The following D2HGDH variants were observed in gnomAD, a reference collection of about 807,000 sequenced individuals.
The protein encoded by D2HGDH is D-2-hydroxyglutarate dehydrogenase, mitochondrial.
D2HGDH carries 31 observed loss-of-function variants against 46.9 expected under a neutral mutation model. The observed-to-expected ratio is 0.66, with a 90% confidence interval of 0.50 to 0.89. The LOEUF is 0.89. D2HGDH is among the 40% of genes least tolerant of loss of function. D2HGDH has a pLI of 0.00. For synonymous variants in D2HGDH, 364 were observed against 332.6 expected (o/e 1.09, Z -1.03); for missense variants, 698 against 720.8 (o/e 0.97, Z 0.36).
chr2:241,738,703 C>A (rs1375590775), intron 2 of D2HGDH, among the ~76,000 whole-genome samples: 1 of 152,194 alleles, frequency 6.6e-6, no homozygotes, highest in Non-Finnish European at 1.5e-5. Context: ...CCATGGACAC[C>A]CTGTCCTGCT....
At chr2:241,740,999 C>T (rs778721523) in intron 2 of D2HGDH, 34 bp from the exon 3 acceptor site, 5 of 1,596,126 alleles carry the variant, frequency 3.1e-6, no homozygotes, top group African/African-American at 2.7e-5. Flanking sequence ...CAGCTCCCCC[C>T]ACGCTGTCTC....
chr2:241,742,636 T>G lies in D2HGDH; in HGVS notation c.490+62T>G. 4 of 1,597,108 alleles carry G rather than the reference T, an allele frequency of 2.5e-6. No individual in the cohort carries two copies. The highest frequency in any genetic ancestry group is 3.4e-6 in the Non-Finnish European group (4 of 1,165,246). On this transcript the variant is annotated intron_variant, in intron 4 of 9. Coordinates refer to ENST00000321264, the MANE Select transcript of D2HGDH (RefSeq NM_152783.5). The surrounding 1 kb of genome is among the most constrained non-coding windows in gnomAD (Gnocchi z 4.8). ...TCCTGGTGCTGGTGGAGTTCTTCCT[T>G]GCCAGCGTCTGCAACTGTGGGGTGC...
chr2:241,758,341 C>G (rs1314936313), intron 9 of D2HGDH, among the ~76,000 whole-genome samples: 2 of 152,176 alleles, frequency 1.3e-5, no homozygotes, highest in Non-Finnish European at 2.9e-5. Context: ...AAAATTATAG[C>G]TCAGCTTCTT....
Position 241,761,657 on chromosome 2 carries a change from C to T in D2HGDH, c.1306+5643C>T, listed in dbSNP as rs148664565. Among the ~76,000 whole-genome samples, 162 of 152,274 alleles carry T rather than the reference C, an allele frequency of 1.1e-3. 2 individuals are homozygous for T. The East Asian group carries it at 0.029, about 28-fold the overall frequency. ...TCCGAGGGGTCCTGTATCCAGTCCCCCAGGGACACTGAGGGGCACCTGCAT... is the reference window on the plus strand; with the variant it reads ...TCCGAGGGGTCCTGTATCCAGTCCCTCAGGGACACTGAGGGGCACCTGCAT... On this transcript the variant is annotated intron_variant, in intron 9 of 9. Transcript: ENST00000321264.
intron 6 of D2HGDH, among the ~76,000 whole-genome samples, chr2:241,747,727 C>A (rs1434059484): frequency 2.0e-5 from 3 of 152,010 alleles, no homozygotes; most frequent in Non-Finnish European, 4.4e-5. Context: ...TACCTGGCTA[C>A]ATTTTTAAAA....
At position 241,755,967 on chromosome 2, in the gene D2HGDH, C is replaced by T; in HGVS notation, c.1259C>T (p.Ala420Val). Residue 420 changes from alanine to valine, a missense_variant, in exon 9 of 10, where the codon GCC (alanine) becomes GTC (valine). By Grantham distance (64) the Ala-to-Val change is moderately conservative. Coordinates refer to ENST00000321264, the MANE Select transcript of D2HGDH (RefSeq NM_152783.5). ...RLYDIVTDLR[A>V]RLGPHAKHVV... ...TACGACATCGTGACTGACCTGCGCG[C>T]CCGCCTCGGCCCGCACGCCAAGCAC... The T allele has an allele frequency of 6.2e-7, 1 of 1,605,116 alleles. No homozygotes were observed. Among genetic ancestry groups the T allele is most frequent in the Non-Finnish European group, 8.5e-7 (1 of 1,173,628 alleles).
chr2:241,762,069 CTTT>C (rs564362722), intron 9 of D2HGDH, among the ~76,000 whole-genome samples: 50 of 108,130 alleles, frequency 4.6e-4, no homozygotes, highest in Non-Finnish European at 6.5e-4. Context: ...TTTTCTTTTC[CTTT>C]TTTTTTTTTT....
chr2:241,767,907 AAG>A lies in D2HGDH; in HGVS notation c.1505_1506del (p.Lys502SerfsTer46). On this transcript the variant is annotated frameshift_variant, in exon 10 of 10. Transcript: ENST00000321264. LOFTEE classifies it high-confidence loss of function. ...GGCCCTGCAGCTCATGCAGCAGCTC[AAG>A]GCCCTGCTGGACCCCAAGGGCATCC... is the stretch of plus-strand genomic sequence containing the variant. ...PGALQLMQQL[K>X]ALLDPKGILN... 6.2e-7 allele frequency: 1 copy of A among 1,603,942 alleles called. No homozygotes were observed. The highest frequency in any genetic ancestry group is 1.1e-5 in the South Asian group (1 of 89,972).
At chr2:241,758,073 T>TTC (rs1416738492) in intron 9 of D2HGDH, among the ~76,000 whole-genome samples, 1 of 152,226 alleles carries the variant, frequency 6.6e-6, no homozygotes, top group East Asian at 1.9e-4. Context: ...GTTACACTGA[T>TTC]TGATCCCTCT....
intron 6 of D2HGDH, among the ~76,000 whole-genome samples, chr2:241,745,887 G>A (rs1695733574): frequency 6.6e-6 from 1 of 152,154 alleles, no homozygotes. Flanking sequence ...CTGACCCGCT[G>A]TCCTCTGGCC....
At position 241,743,636 on chromosome 2, in the gene D2HGDH, C is replaced by T. The variant is rs774791291; in HGVS notation, c.505C>T (p.Gln169Ter). ...FHSVSGILVC[Q>*]AGCVLEELSR... ...ACTCTCTGCAGGAATTCTGGTTTGC[C>T]AGGCGGGCTGCGTCCTGGAGGAGCT... is the stretch of plus-strand genomic sequence containing the variant. Residue 169 changes from glutamine to a stop codon, truncating the protein, a stop_gained, in exon 5 of 10, where the codon CAG becomes TAG. Coordinates refer to ENST00000321264, the MANE Select transcript of D2HGDH (RefSeq NM_152783.5). LOFTEE classifies it high-confidence loss of function. The surrounding 1 kb of genome is among the most constrained non-coding windows in gnomAD (Gnocchi z 4.8). 5.6e-6 allele frequency: 9 copies of T among 1,613,482 alleles called. No homozygotes were observed. The South Asian group carries it at 9.9e-5, about 18-fold the overall frequency.
intron 8 of D2HGDH, among the ~76,000 whole-genome samples, chr2:241,751,628 A>G (rs1180258111): frequency 1.3e-5 from 2 of 152,180 alleles, no homozygotes; most frequent in African/African-American, 4.8e-5. Context: ...CCCCAACCCC[A>G]TGCTGTGGGA....
chr2:241,756,011 C>T lies in D2HGDH; in HGVS notation c.1303C>T (p.Leu435Phe), dbSNP rs768499976. The T allele has an allele frequency of 1.3e-6, 2 of 1,596,270 alleles. No homozygotes were observed. Among genetic ancestry groups the T allele is most frequent in the Non-Finnish European group, 1.7e-6 (2 of 1,167,088 alleles). ...CAAGCACGTGGTGGGCTATGGCCAC[C>T]TTGGTGAGCGGCGCCCCGGGGCCGC... ...HAKHVVGYGHLGDGNLHLNVT... is the reference protein window; with the variant it reads ...HAKHVVGYGHFGDGNLHLNVT... Residue 435 changes from leucine (L) to phenylalanine (F), a missense_variant, in exon 9 of 10, where the codon CTT (leucine) becomes TTT (phenylalanine). Physicochemically the swap from Leu to Phe is conservative, Grantham distance 22 (BLOSUM62 0). Transcript: ENST00000321264.
At chr2:241,750,114 C>T in intron 6 of D2HGDH, 37 bp from the exon 7 acceptor site, 1 of 1,613,458 alleles carries the variant, frequency 6.2e-7, no homozygotes, top group African/African-American at 1.3e-5. Context: ...CTGGGTTTAG[C>T]TCCGTGTGGT....
chr2:241,767,446 G>T (rs1344926828), intron 9 of D2HGDH, among the ~76,000 whole-genome samples: 2 of 101,134 alleles, frequency 2.0e-5, no homozygotes, highest in Non-Finnish European at 4.1e-5. Flanking sequence ...GTAGGAAGAG[G>T]GGGGAGAAGT....
chr2:241,755,847 A>C lies in D2HGDH; in HGVS notation c.1141-2A>C. 1 of 1,612,032 alleles carries C rather than the reference A, an allele frequency of 6.2e-7. No individual in the cohort carries two copies. Among genetic ancestry groups the C allele is most frequent in the Non-Finnish European group, 8.5e-7 (1 of 1,178,854 alleles). ...CTTGTCTCATCTCGTCTCATCCTCTAGATGCTGTGGGCCCTGAGGGAAAGG... is the reference window on the plus strand; with the variant it reads ...CTTGTCTCATCTCGTCTCATCCTCTCGATGCTGTGGGCCCTGAGGGAAAGG... On this transcript the variant is annotated splice_acceptor_variant, in intron 8 of 9. Transcript: ENST00000321264. LOFTEE classifies it high-confidence loss of function.
chr2:241,738,311 C>T (rs1026912585), intron 2 of D2HGDH, among the ~76,000 whole-genome samples: 5 of 152,258 alleles, frequency 3.3e-5, no homozygotes, highest in African/African-American at 1.2e-4. Context: ...AGTCGGGCCC[C>T]AGTCCTGGCT....
In D2HGDH at chr2:241,756,010, C is replaced by T. The variant is rs749348673; in HGVS notation, c.1302C>T (p.His434=). The T allele has an allele frequency of 1.0e-5, 16 of 1,596,202 alleles. No homozygotes were observed. Among genetic ancestry groups the T allele is most frequent in the African/African-American group, 6.7e-5 (5 of 74,552 alleles). The stretch of plus-strand genomic sequence containing the variant: ...CCAAGCACGTGGTGGGCTATGGCCA[C>T]CTTGGTGAGCGGCGCCCCGGGGCCG... ...PHAKHVVGYG[H]LGDGNLHLNV... Residue 434 remains histidine, a synonymous_variant, in exon 9 of 10, where the codon CAC becomes CAT. Transcript: ENST00000321264.
chr2:241,745,013 C>A (rs1357660394), intron 6 of D2HGDH, 136 bp downstream of exon 6: 19 of 1,197,486 alleles, frequency 1.6e-5, no homozygotes, highest in Non-Finnish European at 2.2e-5. Context: ...CTCCTGACAT[C>A]TCTGCTTCCA....
Sources: allele counts gnomAD v4.1 joint callset (sites outside exome capture counted in the v4.1 genomes callset), GRCh38; gene constraint gnomAD v4.1.1; non-coding constraint Gnocchi (gnomAD v3.1); transcripts MANE v1.5; gene names NCBI Gene and HGNC (gene_info 2026-07-23, HGNC 2026-07-21).